The following NFATC3 variants were observed in gnomAD, a reference collection of about 807,000 sequenced individuals.
NFATC3 encodes the protein nuclear factor of activated T cells 3.
A neutral mutation model predicts 98.6 loss-of-function variants in NFATC3; 46 were observed. The observed-to-expected ratio is 0.47, with a 90% CI of 0.37 to 0.60. NFATC3 has a LOEUF of 0.60. Among genes scored for constraint, NFATC3 ranks in the 20% least tolerant of loss-of-function variants. The pLI is 0.00. For missense variants in NFATC3, 1,256 were observed against 1,295.5 expected (o/e 0.97, Z 0.47); for synonymous variants, 512 against 472.2 (o/e 1.08, Z -1.09).
rs1406475201 is a variant in NFATC3, at chr16:68,191,680, C to T, written c.3011C>T (p.Pro1004Leu). 6.2e-6 allele frequency: 10 copies of T among 1,614,114 alleles called. No homozygotes were observed. The highest frequency in any genetic ancestry group is 7.6e-6 in the Non-Finnish European group (9 of 1,180,032). The part of the protein sequence containing the change: ...CHSLCDPASF[P>L]PDGATVSIKP... ...AGTTTGTGTGATCCAGCGTCATTTC[C>T]ACCTGATGGGGCAACTGTGAGCATT... Residue 1004 changes from proline to leucine, a missense_variant, in exon 9 of 10, where the codon CCA becomes CTA. Transcript: ENST00000346183.
chr16:68,085,732 C>T lies in NFATC3; in HGVS notation c.51C>T (p.Val17=), dbSNP rs12921120. The change falls in exon 1 of 10, where the codon GTC becomes GTT. Residue 17 remains valine, a synonymous_variant. Transcript: ENST00000346183. ...GAHDELDFKL[V]FGEDGAPAPP... ...ACGACGAGCTCGACTTCAAACTCGT[C>T]TTTGGCGAGGACGGGGCGCCGGCGC... 6.6e-7 allele frequency: 1 copy of T among 1,512,042 alleles called. No individual in the cohort carries two copies. Among genetic ancestry groups the T allele is most frequent in the East Asian group, 2.8e-5 (1 of 35,980 alleles). The allele number at this position is 1,512,042 out of a possible 1,614,324, so 93.7% of individuals were successfully genotyped here. A position where few individuals can be genotyped will look rare whatever the true frequency, so the allele number is the denominator to read the frequency against.
intron 9 of NFATC3, among the ~76,000 whole-genome samples, chr16:68,207,949 T>A (rs2041218201): frequency 6.6e-6 from 1 of 152,230 alleles, no homozygotes; most frequent in East Asian, 1.9e-4. Flanking sequence ...TGATTTGCAT[T>A]TCCCTATTGA....
At chr16:68,162,991 C>T (rs534863195) in intron 4 of NFATC3, among the ~76,000 whole-genome samples, 3 of 151,938 alleles carry the variant, frequency 2.0e-5, no homozygotes, top group Middle Eastern at 6.8e-3. Flanking sequence ...TAACAAAGCA[C>T]ATCTTGCACC....
At chr16:68,170,069 A>T (rs188629655) in intron 5 of NFATC3, among the ~76,000 whole-genome samples, 2 of 151,962 alleles carry the variant, frequency 1.3e-5, no homozygotes, top group East Asian at 3.9e-4. Flanking sequence ...AAATAAAAAT[A>T]AAATTAACGT....
intron 1 of NFATC3, among the ~76,000 whole-genome samples, chr16:68,120,479 T>G (rs2036512031): frequency 6.7e-6 from 1 of 149,348 alleles, no homozygotes; most frequent in Non-Finnish European, 1.5e-5. Flanking sequence ...CTTGGGAGGC[T>G]GAGGCTTGAG....
rs1412840846 is a variant in NFATC3 at position 68,229,166 on chromosome 16, G to A, written c.*2695G>A. ...TTTTAAAACCTTTTATGGGAGTGCA[G>A]TGCTCCTTACACAAATACAAAGGGA... On this transcript the variant is annotated 3_prime_UTR_variant, in exon 10 of 10. Transcript: ENST00000346183. 1 of 152,232 alleles carries A rather than the reference G, an allele frequency of 6.6e-6. No homozygotes were observed. Among genetic ancestry groups the A allele is most frequent in the African/African-American group, 2.4e-5 (1 of 41,456 alleles). The allele number at this position is 152,232 out of a possible 1,614,324, so 9.4% of individuals were successfully genotyped here.
intron 9 of NFATC3, among the ~76,000 whole-genome samples, chr16:68,215,842 C>T (rs1430434230): frequency 6.6e-6 from 1 of 151,180 alleles, no homozygotes; most frequent in Non-Finnish European, 1.5e-5. Context: ...ATTCTCCTGC[C>T]TTAGCCTCCC....
chr16:68,217,872 C>T, intron 9 of NFATC3: 2 of 1,226,818 alleles, frequency 1.6e-6, no homozygotes, highest in Non-Finnish European at 2.0e-6. Flanking sequence ...TGGGCCATAC[C>T]TAGCTACACT....
chr16:68,211,995 A>T (rs1426568901), intron 9 of NFATC3, among the ~76,000 whole-genome samples: 1 of 152,144 alleles, frequency 6.6e-6, no homozygotes, highest in South Asian at 2.1e-4. Context: ...AAGCTCCCAT[A>T]GTGTGTGTTG....
chr16:68,156,252 TTG>T (rs751096711), intron 3 of NFATC3, among the ~76,000 whole-genome samples: 1 of 151,802 alleles, frequency 6.6e-6, no homozygotes, highest in Non-Finnish European at 1.5e-5. Flanking sequence ...GGGGCAGAGG[TTG>T]CAGTGGGCTG....
intron 9 of NFATC3, among the ~76,000 whole-genome samples, chr16:68,207,428 C>T (rs114751572): frequency 0.01 from 1,580 of 152,052 alleles, 24 homozygotes; most frequent in African/African-American, 0.034. Flanking sequence ...TGTGTGTTTA[C>T]GTAAGAGTGG....
chr16:68,106,417 G>A (rs572416483), intron 1 of NFATC3, among the ~76,000 whole-genome samples: 4 of 150,982 alleles, frequency 2.6e-5, no homozygotes, highest in African/African-American at 4.9e-5. Context: ...TCAGCCTCCC[G>A]ACTAGCTGAG....
chr16:68,118,998 G>A (rs184522193), intron 1 of NFATC3, among the ~76,000 whole-genome samples: 1 of 152,286 alleles, frequency 6.6e-6, no homozygotes, highest in Admixed American at 6.5e-5. Context: ...CTCCCGAGCA[G>A]CTGGGACCAC....
chr16:68,192,757 G>A (rs956779202), intron 9 of NFATC3, among the ~76,000 whole-genome samples: 7 of 152,178 alleles, frequency 4.6e-5, no homozygotes, highest in Non-Finnish European at 7.4e-5. Flanking sequence ...TAGCTAGCCA[G>A]GAGGCTGAGG....
chr16:68,131,451 G>T (rs976981738), intron 3 of NFATC3, among the ~76,000 whole-genome samples: 4 of 151,886 alleles, frequency 2.6e-5, no homozygotes, highest in African/African-American at 7.3e-5. Flanking sequence ...CTAATTTTTT[G>T]TATTATAGTA....
chr16:68,179,056 A>G (rs552737053), intron 6 of NFATC3, among the ~76,000 whole-genome samples: 4 of 152,018 alleles, frequency 2.6e-5, no homozygotes, highest in East Asian at 1.9e-4. Context: ...TTAAGTCTCT[A>G]TATCTTAGGG....
chr16:68,193,683 A>T (rs2040539697), intron 9 of NFATC3, among the ~76,000 whole-genome samples: 1 of 152,094 alleles, frequency 6.6e-6, no homozygotes, highest in South Asian at 2.1e-4. Flanking sequence ...AAAAAAAATT[A>T]AAAAGCCCTC....
chr16:68,170,541 G>T (rs1376826018), intron 5 of NFATC3, among the ~76,000 whole-genome samples: 1 of 143,372 alleles, frequency 7.0e-6, no homozygotes, highest in African/African-American at 2.6e-5. Context: ...GGTCCAGGCT[G>T]GAGTGCAGTG....
At chr16:68,195,236 C>G (rs1384935811) in intron 9 of NFATC3, among the ~76,000 whole-genome samples, 2 of 152,042 alleles carry the variant, frequency 1.3e-5, no homozygotes, top group Admixed American at 6.6e-5. Context: ...GCTTGGGCGA[C>G]AAGAACGATA....
Sources: allele counts gnomAD v4.1 joint callset (sites outside exome capture counted in the v4.1 genomes callset), GRCh38; gene constraint gnomAD v4.1.1; transcripts MANE v1.5; gene names NCBI Gene and HGNC (gene_info 2026-07-23, HGNC 2026-07-21).